COL4A3: variants seen among roughly 807,000 people sequenced by gnomAD.
The protein encoded by COL4A3 is collagen type IV alpha 3 chain.
COL4A3 carries 135 observed loss-of-function variants against 217.4 expected under a neutral mutation model. The observed-to-expected ratio is 0.62, with a 90% CI of 0.54 to 0.72. The LOEUF is 0.72. COL4A3 is among the 30% of genes least tolerant of loss of function. The probability of loss-of-function intolerance (pLI) is 0.00; values close to 1 mark genes in which losing one functional copy is unlikely to be tolerated. For synonymous variants in COL4A3, 690 were observed against 736.3 expected (o/e 0.94, Z 1.02); for missense variants, 1,868 against 2,119.9 (o/e 0.88, Z 2.33).
intron 1 of COL4A3, among the ~76,000 whole-genome samples, chr2:227,183,815 C>T (rs552145038): frequency 6.6e-5 from 10 of 152,296 alleles, no homozygotes; most frequent in Non-Finnish European, 1.2e-4. Flanking sequence ...AGGACCTAAG[C>T]CAAGCCAGTC....
At chr2:227,200,226 A>G (rs187094018) in intron 1 of COL4A3, among the ~76,000 whole-genome samples, 3 of 151,940 alleles carry the variant, frequency 2.0e-5, no homozygotes, top group Admixed American at 2.0e-4. Context: ...ATGTGTAGAT[A>G]CAATTCGAAG....
intron 9 of COL4A3, among the ~76,000 whole-genome samples, chr2:227,249,224 A>ATTTTT (rs1320775871): frequency 1.2e-4 from 3 of 24,182 alleles, no homozygotes; most frequent in East Asian, 1.5e-3. Context: ...ATATATATAT[A>ATTTTT]TATATATTTT....
At chr2:227,275,773 T>A (rs1192639985) in intron 26 of COL4A3, among the ~76,000 whole-genome samples, 1 of 152,192 alleles carries the variant, frequency 6.6e-6, no homozygotes, top group Non-Finnish European at 1.5e-5. Context: ...GCCTTGCCCA[T>A]ATCAAAACTT....
At chr2:227,291,107 C>G (rs996832293) in intron 37 of COL4A3, 2 of 530,368 alleles carry the variant, frequency 3.8e-6, no homozygotes, top group African/African-American at 3.8e-5. Flanking sequence ...CAAGGAATTT[C>G]TCACACTGTC....
chr2:227,282,301 T>TATATATATA lies in COL4A3; in HGVS notation c.2489-64_2489-63insATATATATA, dbSNP rs1193172222. On this transcript the variant is annotated intron_variant, in intron 31 of 51. Transcript: ENST00000396578. This position sits in a 1 kb window ranked among gnomAD's most constrained non-coding sequence, Gnocchi z 4.4. ...ATATATATATATATATATATATATATTTCTGAAGTTAGTAGGGGAAAGCAT... is the reference window on the plus strand; with the variant it reads ...ATATATATATATATATATATATATATATATATATATTCTGAAGTTAGTAGGGGAAAGCAT... 7 of 869,872 alleles carry TATATATATA rather than the reference T, an allele frequency of 8.0e-6. No homozygotes were observed. Among genetic ancestry groups the TATATATATA allele is most frequent in the Non-Finnish European group, 1.3e-5 (7 of 555,874 alleles). The allele number at this position is 869,872 out of a possible 1,614,324, so 53.9% of individuals were successfully genotyped here. A position where few individuals can be genotyped will look rare whatever the true frequency, so the allele number is the denominator to read the frequency against.
chr2:227,208,265 G>A (rs1160744110), intron 1 of COL4A3, among the ~76,000 whole-genome samples: 1 of 152,106 alleles, frequency 6.6e-6, no homozygotes, highest in Non-Finnish European at 1.5e-5. Context: ...GCCTTTGCAG[G>A]ACTAACAAAT....
rs564314884 is a variant in COL4A3, at chr2:227,263,995, G to A, written c.1315+51G>A. 5.0e-6 allele frequency: 8 copies of A among 1,607,600 alleles called. No individual in the cohort carries two copies. The African/African-American group carries it at 8.0e-5, about 16-fold the overall frequency. The stretch of plus-strand genomic sequence containing the variant: ...TTGTGCACAGTGCCAAATGACAGAT[G>A]TGTGCAAACCACGGGCAACAAACCC... On this transcript the variant is annotated intron_variant, in intron 21 of 51. Transcript: ENST00000396578.
Position 227,279,810 on chromosome 2 carries a change from G to A in COL4A3, c.2143G>A (p.Gly715Ser), listed in dbSNP as rs1196105825. The stretch of plus-strand genomic sequence containing the variant: ...CTCTGTAGGAGACCAAGGTTTTCCA[G>A]GTACAAAAGGATCACTGGGTTGTCC... Reference protein sequence around the residue: ...PGPKGDQGFPGTKGSLGCPGK... With the variant: ...PGPKGDQGFPSTKGSLGCPGK... Residue 715 changes from glycine (G) to serine (S), a missense_variant, in exon 29 of 52, where the codon GGT becomes AGT. Gly to Ser is a moderately conservative substitution (Grantham distance 56, BLOSUM62 0). Transcript: ENST00000396578. The A allele has an allele frequency of 1.2e-6, 2 of 1,608,766 alleles. No individual in the cohort carries two copies. Among genetic ancestry groups the A allele is most frequent in the Admixed American group, 1.7e-5 (1 of 59,476 alleles).
At position 227,287,153 on chromosome 2, in the gene COL4A3, G is replaced by A. The variant is rs536258087; in HGVS notation, c.2882-1997G>A. Among the ~76,000 whole-genome samples, 14 of 152,274 alleles carry A rather than the reference G, an allele frequency of 9.2e-5. No individual in the cohort carries two copies. In the South Asian group the frequency reaches 1.0e-3, roughly 11 times the overall value. On this transcript the variant is annotated intron_variant, in intron 34 of 51. Coordinates refer to ENST00000396578, the MANE Select transcript of COL4A3 (RefSeq NM_000091.5). ...ACAACCTTTTAAAAATGTAAAAACC[G>A]CCAGGCGTGGTGGCTCACGCCTGTA...
chr2:227,207,642 C>T (rs769955781), intron 1 of COL4A3, among the ~76,000 whole-genome samples: 9 of 152,178 alleles, frequency 5.9e-5, no homozygotes, highest in Admixed American at 1.3e-4. Flanking sequence ...GGTTCACATA[C>T]GCACTTTGGT....
intron 21 of COL4A3, 51 bp from the exon 22 acceptor site, chr2:227,266,366 A>T (rs2070889134): frequency 1.5e-6 from 2 of 1,319,370 alleles, no homozygotes; most frequent in African/African-American, 2.9e-5. Flanking sequence ...AATACTTGCT[A>T]ATTGAAAAAA....
chr2:227,279,489 A>G, intron 28 of COL4A3: 1 of 367,324 alleles, frequency 2.7e-6, no homozygotes, highest in Non-Finnish European at 5.0e-6. Flanking sequence ...TTACCTGTAC[A>G]CTGTATGTAA....
At chr2:227,281,113 C>G in intron 31 of COL4A3, 107 bp downstream of exon 31, 1 of 766,062 alleles carries the variant, frequency 1.3e-6, no homozygotes, top group Non-Finnish European at 2.3e-6. Context: ...AAGTCCTGAC[C>G]ACTGTTCAAT....
At chr2:227,249,632 T>C (rs1261447765) in intron 9 of COL4A3, among the ~76,000 whole-genome samples, 1 of 152,114 alleles carries the variant, frequency 6.6e-6, no homozygotes, top group East Asian at 1.9e-4. Context: ...GGTGAGGCTG[T>C]TGAAATCCTG....
chr2:227,182,800 A>G (rs554740107), intron 1 of COL4A3, among the ~76,000 whole-genome samples: 142 of 152,230 alleles, frequency 9.3e-4, no homozygotes, highest in Non-Finnish European at 1.7e-3. Flanking sequence ...CAGAATATCA[A>G]TCAAACCCCT....
At chr2:227,280,847 C>A in intron 30 of COL4A3, 46 bp from the exon 31 acceptor site, 11 of 1,369,560 alleles carry the variant, frequency 8.0e-6, no homozygotes, top group Non-Finnish European at 1.1e-5. Context: ...AATACCAAGA[C>A]CTTAAGTTCT....
intron 2 of COL4A3, 135 bp downstream of exon 2, chr2:227,238,159 G>A (rs2068802072): frequency 1.8e-6 from 1 of 547,022 alleles, no homozygotes; most frequent in African/African-American, 2.1e-5. Context: ...TAAAGTAATT[G>A]TATATAAACA....
chr2:227,232,454 C>T (rs2068457814), intron 1 of COL4A3, among the ~76,000 whole-genome samples: 1 of 152,202 alleles, frequency 6.6e-6, no homozygotes, highest in Non-Finnish European at 1.5e-5. Context: ...CCACACAGTT[C>T]TCCATGGTGG....
At chr2:227,205,710 A>ATTTTTTTT (rs398105402) in intron 1 of COL4A3, among the ~76,000 whole-genome samples, 6,631 of 149,494 alleles carry the variant, frequency 0.044, 173 homozygotes, top group Non-Finnish European at 0.062. Flanking sequence ...TTCAACAAAT[A>ATTTTTTTT]TTTTTTTTTT....
Sources: allele counts gnomAD v4.1 joint callset (sites outside exome capture counted in the v4.1 genomes callset), GRCh38; gene constraint gnomAD v4.1.1; non-coding constraint Gnocchi (gnomAD v3.1); transcripts MANE v1.5; gene names NCBI Gene and HGNC (gene_info 2026-07-23, HGNC 2026-07-21).